Variants in MARCHF1 observed in about 807,000 individuals in gnomAD.
The protein encoded by MARCHF1 is membrane associated ring-CH-type finger 1.
In MARCHF1, 40 loss-of-function variants were observed where a neutral mutation model predicts 54.2. The observed-to-expected ratio is 0.74, with a 90% CI of 0.57 to 0.96. The LOEUF (loss-of-function observed/expected upper bound fraction) is 0.96. MARCHF1 is among the 40% of genes least tolerant of loss of function. MARCHF1 has a pLI of 0.00. For synonymous variants in MARCHF1, 236 were observed against 236.3 expected (o/e 1.00, Z 0.01); for missense variants, 586 against 656.5 (o/e 0.89, Z 1.17).
At chr4:164,061,966 G>T (rs1353400349) in intron 2 of MARCHF1, among the ~76,000 whole-genome samples, 1 of 152,106 alleles carries the variant, frequency 6.6e-6, no homozygotes, top group Non-Finnish European at 1.5e-5. Context: ...TTCCTTTCAT[G>T]AAAGATTATT....
At chr4:163,676,426 A>G (rs1444873876) in intron 5 of MARCHF1, among the ~76,000 whole-genome samples, 1 of 152,024 alleles carries the variant, frequency 6.6e-6, no homozygotes, top group Non-Finnish European at 1.5e-5. Flanking sequence ...CAAGCAGCAT[A>G]ACAGCAAGAA....
Position 163,535,161 on chromosome 4 carries a change from T to G in MARCHF1, c.1340-6115A>C, listed in dbSNP as rs556740313. Among the ~76,000 whole-genome samples, 12 of 152,188 alleles carry G rather than the reference T, an allele frequency of 7.9e-5. 1 individual carries two copies. The South Asian group carries it at 2.5e-3, about 32-fold the overall frequency. Reference sequence around the variant, plus strand: ...ACATACGTTCCACACTTTTAACATATTCTAGGTATTCCTGCATATATTATT... The same window carrying G: ...ACATACGTTCCACACTTTTAACATAGTCTAGGTATTCCTGCATATATTATT... On this transcript the variant is annotated intron_variant, in intron 9 of 9. Transcript: ENST00000514618.
intron 3 of MARCHF1, among the ~76,000 whole-genome samples, chr4:163,912,677 T>C (rs892357976): frequency 3.9e-5 from 6 of 152,196 alleles, no homozygotes; most frequent in Admixed American, 2.0e-4. Flanking sequence ...TTTCTTCTTC[T>C]TGTTTGTGAT....
intron 8 of MARCHF1, among the ~76,000 whole-genome samples, chr4:163,556,177 C>T (rs1159091564): frequency 6.6e-6 from 1 of 152,024 alleles, no homozygotes; most frequent in Non-Finnish European, 1.5e-5. Flanking sequence ...GGGAAGAAGA[C>T]AGCCAAGATT....
intron 4 of MARCHF1, among the ~76,000 whole-genome samples, chr4:163,804,649 T>C (rs920256322): frequency 1.3e-5 from 2 of 152,200 alleles, no homozygotes; most frequent in Non-Finnish European, 2.9e-5. Context: ...AGAAGTTTTA[T>C]CTCTGAGAGA....
chr4:163,771,056 T>C (rs1747142509), intron 4 of MARCHF1, among the ~76,000 whole-genome samples: 2 of 152,248 alleles, frequency 1.3e-5, no homozygotes, highest in African/African-American at 2.4e-5. Context: ...TATTCCATTA[T>C]ATTTTTTATA....
At chr4:163,978,300 C>T (rs1009225004) in intron 3 of MARCHF1, among the ~76,000 whole-genome samples, 4 of 152,040 alleles carry the variant, frequency 2.6e-5, no homozygotes, top group African/African-American at 9.7e-5. Flanking sequence ...ATTTTCTCAT[C>T]ACAATAGAAG....
At chr4:163,727,125 C>G (rs1360987990) in intron 4 of MARCHF1, among the ~76,000 whole-genome samples, 1 of 152,046 alleles carries the variant, frequency 6.6e-6, no homozygotes, top group Non-Finnish European at 1.5e-5. Context: ...GGTATTGTAT[C>G]TAGAAAGTCA....
chr4:163,845,082 C>T (rs1362256164), intron 4 of MARCHF1, among the ~76,000 whole-genome samples: 1 of 152,164 alleles, frequency 6.6e-6, no homozygotes, highest in Non-Finnish European at 1.5e-5. Context: ...TTATTACCTA[C>T]TTTCAGAGTT....
At chr4:163,739,311 C>G (rs1356346759) in intron 4 of MARCHF1, among the ~76,000 whole-genome samples, 1 of 152,174 alleles carries the variant, frequency 6.6e-6, no homozygotes, top group Non-Finnish European at 1.5e-5. Context: ...TACAGGATCA[C>G]TGGACAAGTC....
At chr4:163,656,521 T>C (rs977306409) in intron 5 of MARCHF1, among the ~76,000 whole-genome samples, 1 of 151,892 alleles carries the variant, frequency 6.6e-6, no homozygotes, top group African/African-American at 2.4e-5. Flanking sequence ...TTCCAAACAA[T>C]TGAAAAGGAG....
chr4:164,204,415 A>T (rs1433278656), intron 1 of MARCHF1, among the ~76,000 whole-genome samples: 1 of 152,246 alleles, frequency 6.6e-6, no homozygotes, highest in African/African-American at 2.4e-5. Context: ...ATTTTTAAAA[A>T]ATCACGACTT....
intron 4 of MARCHF1, among the ~76,000 whole-genome samples, chr4:163,733,258 T>TATACACATGTATATATACACAC (rs1554008879): frequency 2.2e-5 from 1 of 45,062 alleles, no homozygotes; most frequent in South Asian, 7.8e-4. Context: ...TATATATATA[T>TATACACATGTATATATACACAC]ACACACACAC....
chr4:164,215,325 C>T (rs992264135), intron 1 of MARCHF1, among the ~76,000 whole-genome samples: 3 of 152,180 alleles, frequency 2.0e-5, no homozygotes, highest in African/African-American at 7.2e-5. Context: ...TGCTCTTCTG[C>T]TGGCCTGCTC....
rs375719403 is a variant in MARCHF1, at chr4:164,201,322, C to T, written c.-322-89660G>A. On this transcript the variant is annotated intron_variant, in intron 1 of 9. Coordinates refer to ENST00000514618, the MANE Select transcript of MARCHF1 (RefSeq NM_001394959.1). ...GCAACCTCCGCCTCCCAGGTTCAAG[C>T]GATTCTCCTGCCTCAGCCTCCCTAG... Among the ~76,000 whole-genome samples, 201 of 152,232 alleles carry T rather than the reference C, an allele frequency of 1.3e-3. 1 individual carries two copies. Among genetic ancestry groups the T allele is most frequent in the African/African-American group, 4.1e-3 (172 of 41,530 alleles).
At chr4:164,013,161 A>G (rs926324586) in intron 2 of MARCHF1, among the ~76,000 whole-genome samples, 5 of 152,202 alleles carry the variant, frequency 3.3e-5, no homozygotes, top group African/African-American at 1.2e-4. Flanking sequence ...ACAAAGAAGG[A>G]ATTAAAAATT....
At chr4:164,365,380 G>A (rs1434510269) in intron 1 of MARCHF1, among the ~76,000 whole-genome samples, 2 of 151,966 alleles carry the variant, frequency 1.3e-5, no homozygotes, top group Non-Finnish European at 2.9e-5. Flanking sequence ...TTCTTAAGTA[G>A]AAATTGATAT....
chr4:163,968,806 C>G (rs1259057218), intron 3 of MARCHF1, among the ~76,000 whole-genome samples: 1 of 152,076 alleles, frequency 6.6e-6, no homozygotes. Context: ...GTGCAATACG[C>G]CCTGGAAAAT....
Position 163,747,511 on chromosome 4 carries a change from T to A in MARCHF1, c.112-46648A>T, listed in dbSNP as rs144768918. Among the ~76,000 whole-genome samples, 25 of 152,338 alleles carry A rather than the reference T, an allele frequency of 1.6e-4. 1 individual carries two copies. Among genetic ancestry groups the A allele is most frequent in the Admixed American group, 1.4e-3 (22 of 15,290 alleles). ...AGTTGAATTTGACATGCAAAGCCTT[T>A]GAAATCTGGTAGTGTGAGACAAGCC... On this transcript the variant is annotated intron_variant, in intron 4 of 9. Transcript: ENST00000514618.
Sources: gnomAD v4.1 joint callset for allele counts (sites outside exome capture counted in the v4.1 genomes callset) on GRCh38, gnomAD v4.1.1 for gene constraint, MANE v1.5 for transcripts, NCBI Gene and HGNC (gene_info 2026-07-23, HGNC 2026-07-21) for gene names.